The following SPAG16 variants were observed in gnomAD, a reference collection of about 807,000 sequenced individuals.
SPAG16 encodes sperm associated antigen 16, also known as sperm-associated antigen 16 protein.
In SPAG16, 86 loss-of-function variants were observed where a neutral mutation model predicts 80.4. That is an observed-to-expected ratio of 1.07 (90% CI 0.90 to 1.28). The LOEUF is 1.28. Among genes scored for constraint, SPAG16 ranks in the 50% most tolerant of loss-of-function variants. The pLI is 0.00. For synonymous variants in SPAG16, 294 were observed against 265.9 expected (o/e 1.11, Z -1.03); for missense variants, 870 against 765.3 (o/e 1.14, Z -1.61).
chr2:214,343,123 T>G (rs142846282), intron 15 of SPAG16, among the ~76,000 whole-genome samples: 1 of 152,086 alleles, frequency 6.6e-6, no homozygotes, highest in Non-Finnish European at 1.5e-5. Context: ...AAAAGTATAA[T>G]AACTATTTTA....
chr2:214,362,696 T>G (rs982369258), intron 15 of SPAG16, among the ~76,000 whole-genome samples: 16 of 151,906 alleles, frequency 1.1e-4, no homozygotes, highest in African/African-American at 3.6e-4. Context: ...TCAGTTCCTC[T>G]TGAAATTGCA....
chr2:213,973,361 T>C (rs563578960), intron 12 of SPAG16, among the ~76,000 whole-genome samples: 10 of 152,210 alleles, frequency 6.6e-5, no homozygotes, highest in African/African-American at 2.4e-4. Context: ...CCTTTTTGAA[T>C]AGCACCTTCT....
At chr2:213,558,634 A>T (rs918429646) in intron 10 of SPAG16, among the ~76,000 whole-genome samples, 4 of 152,272 alleles carry the variant, frequency 2.6e-5, no homozygotes, top group South Asian at 2.1e-4. Context: ...TTATAATCTA[A>T]TTAAGAATAT....
chr2:214,089,121 G>A (rs1443615545), intron 13 of SPAG16, among the ~76,000 whole-genome samples: 3 of 151,886 alleles, frequency 2.0e-5, no homozygotes, highest in Non-Finnish European at 4.4e-5. Context: ...GTCCTTTATG[G>A]CAGAGTGGGA....
intron 10 of SPAG16, among the ~76,000 whole-genome samples, chr2:213,761,725 G>T (rs1032789007): frequency 2.0e-5 from 3 of 151,958 alleles, no homozygotes; most frequent in Admixed American, 6.6e-5. Flanking sequence ...AATTAGCTGG[G>T]CGTGGTGGCG....
In SPAG16 at chr2:213,862,094, A is replaced by G. The variant is rs1264446262; in HGVS notation, c.1071-391A>G. ...TAAGACATATTATAGTTTGAAAACA[A>G]TGTTGATGTTCTATAGTAACCATGA... is the stretch of plus-strand genomic sequence containing the variant. On this transcript the variant is annotated intron_variant, in intron 10 of 15. Transcript: ENST00000331683. Among the ~76,000 whole-genome samples, 3 of 152,218 alleles carry G rather than the reference A, an allele frequency of 2.0e-5. 1 individual carries two copies. Among genetic ancestry groups the G allele is most frequent in the Admixed American group, 1.3e-4 (2 of 15,270 alleles).
At chr2:214,017,228 C>T (rs1055567324) in intron 13 of SPAG16, among the ~76,000 whole-genome samples, 5 of 151,986 alleles carry the variant, frequency 3.3e-5, no homozygotes, top group Non-Finnish European at 7.4e-5. Flanking sequence ...TACAAAGGTC[C>T]GACAATCTCC....
At chr2:213,910,413 T>C (rs139949938) in intron 11 of SPAG16, among the ~76,000 whole-genome samples, 1,578 of 151,822 alleles carry the variant, frequency 0.01, 36 homozygotes, top group African/African-American at 0.035. Context: ...TAACTAGAGA[T>C]AACAAGAGAA....
At chr2:214,073,018 T>C (rs1000378441) in intron 13 of SPAG16, among the ~76,000 whole-genome samples, 4 of 152,152 alleles carry the variant, frequency 2.6e-5, no homozygotes, top group Admixed American at 1.3e-4. Flanking sequence ...AATTAGTGGT[T>C]CATTATTCCT....
At chr2:213,838,558 GA>G (rs2074216743) in intron 10 of SPAG16, among the ~76,000 whole-genome samples, 1 of 152,170 alleles carries the variant, frequency 6.6e-6, no homozygotes, top group Non-Finnish European at 1.5e-5. Flanking sequence ...CACATCAAGA[GA>G]CAAAGTTATA....
intron 11 of SPAG16, among the ~76,000 whole-genome samples, chr2:213,916,505 G>T (rs1305678205): frequency 1.3e-5 from 2 of 152,056 alleles, no homozygotes; most frequent in East Asian, 1.9e-4. Flanking sequence ...CATGCTCTTT[G>T]GGTTACTGTA....
At chr2:214,161,872 TA>T (rs1559094830) in intron 15 of SPAG16, among the ~76,000 whole-genome samples, 1 of 152,138 alleles carries the variant, frequency 6.6e-6, no homozygotes. Flanking sequence ...AAAAAATTTT[TA>T]AAAAATTAAA....
intron 7 of SPAG16, among the ~76,000 whole-genome samples, chr2:213,356,837 T>A (rs576483357): frequency 6.6e-6 from 1 of 152,312 alleles, no homozygotes; most frequent in African/African-American, 2.4e-5. Flanking sequence ...TTTATTGTGA[T>A]GTTAGGGTGT....
chr2:214,401,408 GAT>G (rs1412601588), intron 15 of SPAG16, among the ~76,000 whole-genome samples: 2 of 151,790 alleles, frequency 1.3e-5, no homozygotes, highest in East Asian at 1.9e-4. Context: ...TCTCTTCCCT[GAT>G]ATGTTATTTC....
intron 13 of SPAG16, 44 bp downstream of exon 13, chr2:214,014,121 G>C: frequency 6.2e-7 from 1 of 1,603,900 alleles, no homozygotes; most frequent in South Asian, 1.1e-5. Flanking sequence ...TGATAAGTCT[G>C]ATTACTCTCG....
At chr2:213,304,553 G>C (rs765109368) in intron 3 of SPAG16, among the ~76,000 whole-genome samples, 8 of 152,062 alleles carry the variant, frequency 5.3e-5, no homozygotes, top group Non-Finnish European at 1.0e-4. Context: ...TTGATTTTGT[G>C]TATGACAAGG....
Position 214,010,901 on chromosome 2 carries a change from C to T in SPAG16, c.1401-3050C>T, listed in dbSNP as rs1387029600. ...AAAGAAAGTGGGAGGAACATAAATACGTTATTTTCCTTTTTTCACTATACT... is the reference window on the plus strand; with the variant it reads ...AAAGAAAGTGGGAGGAACATAAATATGTTATTTTCCTTTTTTCACTATACT... On this transcript the variant is annotated intron_variant, in intron 12 of 15. Coordinates refer to ENST00000331683, the MANE Select transcript of SPAG16 (RefSeq NM_024532.5). Among the ~76,000 whole-genome samples, 6 of 145,014 alleles carry T rather than the reference C, an allele frequency of 4.1e-5. 1 individual carries two copies. The East Asian group carries it at 5.9e-4, about 14-fold the overall frequency.
At chr2:213,544,577 C>T (rs564914418) in intron 10 of SPAG16, among the ~76,000 whole-genome samples, 3 of 152,028 alleles carry the variant, frequency 2.0e-5, no homozygotes, top group Non-Finnish European at 4.4e-5. Context: ...GTCATATATT[C>T]TATGGGTTTG....
intron 10 of SPAG16, among the ~76,000 whole-genome samples, chr2:213,680,839 T>C (rs1406282918): frequency 6.6e-6 from 1 of 152,166 alleles, no homozygotes; most frequent in Admixed American, 6.6e-5. Context: ...ACTTAAGAAA[T>C]ACATTGGTTT....
Sources: gnomAD v4.1 joint callset for allele counts (sites outside exome capture counted in the v4.1 genomes callset) on GRCh38, gnomAD v4.1.1 for gene constraint, MANE v1.5 for transcripts, NCBI Gene and HGNC (gene_info 2026-07-23, HGNC 2026-07-21) for gene names.